Variants in NF1 observed in about 807,000 individuals in gnomAD.
NF1 encodes the protein neurofibromin.
In NF1, 122 loss-of-function variants were observed where a neutral mutation model predicts 325.7. The ratio of observed to expected loss-of-function variants is 0.37; its 90% CI spans 0.32 to 0.44. NF1 has a LOEUF of 0.44. Among genes scored for constraint, NF1 ranks in the 20% least tolerant of loss-of-function variants. The pLI, the probability that NF1 is intolerant of heterozygous loss-of-function variation, is 1.00. For synonymous variants in NF1, 1,091 were observed against 1,186.0 expected (o/e 0.92, Z 1.65); for missense variants, 2,140 against 3,415.4 (o/e 0.63, Z 9.31).
chr17:31,180,568 A>G (rs1448465060), intron 5 of NF1, among the ~76,000 whole-genome samples: 1 of 152,248 alleles, frequency 6.6e-6, no homozygotes, highest in Non-Finnish European at 1.5e-5. Context: ...AAGACTCTGA[A>G]TAAACTAGGG....
chr17:31,214,257 G>A (rs1381571967), intron 12 of NF1, among the ~76,000 whole-genome samples, 194 bp from the exon 13 acceptor site: 1 of 151,874 alleles, frequency 6.6e-6, no homozygotes, highest in Non-Finnish European at 1.5e-5. Flanking sequence ...GTGCAAAAAC[G>A]ATTTTCATTG....
At chr17:31,230,629 T>G (rs893766021) in intron 23 of NF1, among the ~76,000 whole-genome samples, 34 of 152,190 alleles carry the variant, frequency 2.2e-4, no homozygotes, top group African/African-American at 8.2e-4. Context: ...TCTGATACCA[T>G]AACTAAGGGC....
Position 31,259,142 on chromosome 17 carries a change from C to A in NF1, c.4430+13C>A, listed in dbSNP as rs2067640527. On this transcript the variant is annotated intron_variant, in intron 33 of 57. Coordinates refer to ENST00000358273, the MANE Select transcript of NF1 (RefSeq NM_001042492.3). ...ATGCAGCACGCAGGTAATTTTCTTG[C>A]CACTTACTCAGTTGCTCTGTTTGAA... The A allele has an allele frequency of 1.9e-6, 3 of 1,557,058 alleles. No homozygotes were observed. The highest frequency in any genetic ancestry group is 2.6e-6 in the Non-Finnish European group (3 of 1,134,538).
intron 14 of NF1, 103 bp from the exon 15 acceptor site, chr17:31,221,747 G>A (rs2066924549): frequency 2.5e-6 from 2 of 797,232 alleles, no homozygotes; most frequent in Non-Finnish European, 4.2e-6. Context: ...AAATGAAAGA[G>A]CTCAATTTCT....
chr17:31,296,326 T>G, intron 36 of NF1: 1 of 1,613,990 alleles, frequency 6.2e-7, no homozygotes, highest in Non-Finnish European at 8.5e-7. Context: ...ATATCTGATA[T>G]TCCATCAAAG....
intron 8 of NF1, among the ~76,000 whole-genome samples, chr17:31,187,145 C>T (rs1567829082): frequency 1.3e-5 from 2 of 152,202 alleles, no homozygotes; most frequent in African/African-American, 4.8e-5. Flanking sequence ...CCAAGGCACT[C>T]ACTTTACAGC....
intron 11 of NF1, among the ~76,000 whole-genome samples, chr17:31,202,085 T>TA (rs2066540539): frequency 6.6e-6 from 1 of 152,200 alleles, no homozygotes; most frequent in Non-Finnish European, 1.5e-5. Context: ...CATTAAAAGG[T>TA]ACTTGCGAAA....
chr17:31,243,328 G>T (rs2067336827), intron 29 of NF1, among the ~76,000 whole-genome samples: 2 of 151,942 alleles, frequency 1.3e-5, no homozygotes, highest in South Asian at 4.1e-4. Flanking sequence ...TACCACCTAT[G>T]TTCACTCAAG....
At chr17:31,204,103 C>T (rs2066578706) in intron 11 of NF1, among the ~76,000 whole-genome samples, 1 of 152,120 alleles carries the variant, frequency 6.6e-6, no homozygotes, top group African/African-American at 2.4e-5. Context: ...TCTTCATAGA[C>T]TTCCTTTAGG....
At chr17:31,245,648 G>T (rs570848985) in intron 29 of NF1, among the ~76,000 whole-genome samples, 2 of 152,172 alleles carry the variant, frequency 1.3e-5, no homozygotes, top group African/African-American at 2.4e-5. Context: ...ACAGCCAGAT[G>T]GAAAAGATGC....
At chr17:31,358,733 T>C in intron 55 of NF1, 111 bp downstream of exon 55, 1 of 1,432,922 alleles carries the variant, frequency 7.0e-7, no homozygotes, top group Non-Finnish European at 9.8e-7. Context: ...GTTCATACTT[T>C]TATTTCCATA....
In NF1 at chr17:31,157,428, A is replaced by G. The variant is rs544733997; in HGVS notation, c.204+1302A>G. On this transcript the variant is annotated intron_variant, in intron 2 of 57. Transcript: ENST00000358273. ...TAGATAATATTCTAGTATGACATTG[A>G]AAAGACATGAAGTTACCTTTTTGCC... Among the ~76,000 whole-genome samples the G allele has an allele frequency of 7.9e-5, 12 of 152,288 alleles. No individual in the cohort carries two copies. In the South Asian group the frequency reaches 1.7e-3, roughly 21 times the overall value.
At chr17:31,248,220 C>CCCACAA in intron 29 of NF1, among the ~76,000 whole-genome samples, 1 of 126,194 alleles carries the variant, frequency 7.9e-6, no homozygotes. Flanking sequence ...CACCCCCCAC[C>CCCACAA]AAAAAAAAAA....
intron 1 of NF1, among the ~76,000 whole-genome samples, chr17:31,151,115 A>G (rs1916913350): frequency 6.6e-6 from 1 of 152,194 alleles, no homozygotes; most frequent in Non-Finnish European, 1.5e-5. Flanking sequence ...CTGCATATGT[A>G]ATGGGAGTCC....
At chr17:31,246,404 A>G (rs1413622891) in intron 29 of NF1, among the ~76,000 whole-genome samples, 1 of 152,258 alleles carries the variant, frequency 6.6e-6, no homozygotes, top group African/African-American at 2.4e-5. Context: ...AGCAAACTCT[A>G]AGGAATCTAC....
At chr17:31,132,372 T>A (rs1223594808) in intron 1 of NF1, among the ~76,000 whole-genome samples, 1 of 152,016 alleles carries the variant, frequency 6.6e-6, no homozygotes, top group African/African-American at 2.4e-5. Flanking sequence ...TGACACCGTT[T>A]CTACTAAAAA....
At chr17:31,132,002 T>C (rs115828546) in intron 1 of NF1, among the ~76,000 whole-genome samples, 1,972 of 152,204 alleles carry the variant, frequency 0.013, 51 homozygotes, top group African/African-American at 0.044. Flanking sequence ...GTGATCACTG[T>C]TCACTGCAGC....
chr17:31,371,383 A>T (rs943750761), intron 57 of NF1, among the ~76,000 whole-genome samples: 9 of 152,188 alleles, frequency 5.9e-5, no homozygotes, highest in African/African-American at 1.9e-4. Flanking sequence ...GAGAAAAAAA[A>T]ATATGGGTTG....
At chr17:31,233,343 AG>A (rs2067148049) in intron 27 of NF1, 130 bp downstream of exon 27, 1 of 959,056 alleles carries the variant, frequency 1.0e-6, no homozygotes, top group Non-Finnish European at 1.6e-6. Flanking sequence ...ATGTTTAGTT[AG>A]GTGATTTTTC....
Sources: gnomAD v4.1 joint callset for allele counts (sites outside exome capture counted in the v4.1 genomes callset) on GRCh38, gnomAD v4.1.1 for gene constraint, MANE v1.5 for transcripts, NCBI Gene and HGNC (gene_info 2026-07-23, HGNC 2026-07-21) for gene names.